Variants in GABBR1 observed in about 807,000 individuals in gnomAD.
GABBR1 encodes the protein gamma-aminobutyric acid type B receptor subunit 1.
In GABBR1, 35 loss-of-function variants were observed where a neutral mutation model predicts 117.7. The ratio of observed to expected loss-of-function variants is 0.30; its 90% CI spans 0.23 to 0.39. The LOEUF (loss-of-function observed/expected upper bound fraction) is 0.39. Ranked by LOEUF, GABBR1 falls within the 10% of genes least tolerant of loss-of-function variation. GABBR1 has a pLI of 1.00. For synonymous variants in GABBR1, 442 were observed against 486.6 expected, an observed-to-expected ratio of 0.91 and a Z score of 1.21; for missense variants, 709 against 1,241.8, an observed-to-expected ratio of 0.57 and a Z score of 6.45.
intron 5 of GABBR1, chr6:29,628,157 C>G (rs1382976575): frequency 2.1e-6 from 1 of 478,284 alleles, no homozygotes; most frequent in African/African-American, 3.4e-5. Context: ...GGGAAGCGAG[C>G]GCCGAGGTGG....
chr6:29,628,024 G>GGGGAGGAGGAGGAGCAGGA (rs1764511297), intron 5 of GABBR1: 1 of 1,279,234 alleles, frequency 7.8e-7, no homozygotes, highest in Non-Finnish European at 9.8e-7. Flanking sequence ...GACCGACGGA[G>GGGGAGGAGGAGGAGCAGGA]GGGAGGAGGA....
intron 11 of GABBR1, among the ~76,000 whole-genome samples, chr6:29,615,609 T>TAAAAA (rs28751302): frequency 0.066 from 8,011 of 120,996 alleles, 302 homozygotes; most frequent in South Asian, 0.14. Context: ...ACTCTGCCTT[T>TAAAAA]AAAAAAAAAA....
rs1762269586 is a variant in GABBR1 at position 29,609,162 on chromosome 6, T to C, written c.1859+67A>G. The C allele has an allele frequency of 1.3e-6, 2 of 1,481,832 alleles. No individual in the cohort carries two copies. The highest frequency in any genetic ancestry group is 2.8e-5 in the African/African-American group (2 of 71,990). 91.8% of individuals were successfully genotyped at this position (1,481,832 alleles called of 1,614,324 possible). A position where few individuals can be genotyped will look rare whatever the true frequency, so the allele number is the denominator to read the frequency against. ...GGGAGTTACACAGGTTTTATTCTCA[T>C]CCTGTCCAGGAACATGATCAGTATC... is the stretch of plus-strand genomic sequence containing the variant. On this transcript the variant is annotated intron_variant, in intron 15 of 22. Coordinates refer to ENST00000377034, the MANE Select transcript of GABBR1 (RefSeq NM_001470.4). The surrounding 1 kb of genome is among the most constrained non-coding windows in gnomAD (Gnocchi z 4.3).
chr6:29,603,577 C>T lies in GABBR1; in HGVS notation c.2852G>A (p.Cys951Tyr). Reference protein sequence around the residue: ...GPPEPPDRLSCDGSRVHLLYK With the variant: ...GPPEPPDRLSYDGSRVHLLYK ...AAGCAAATGCACTCGACTCCCATCA[C>T]AGCTAAGCCGGTCGGGGGGCTCAGG... The change falls in exon 23 of 23, where the codon TGT becomes TAT. Residue 951 changes from cysteine to tyrosine, a missense_variant. By Grantham distance (194) the Cys-to-Tyr change is radical. Transcript: ENST00000377034. 1 of 1,592,700 alleles carries T rather than the reference C, an allele frequency of 6.3e-7. No homozygotes were observed. The highest frequency in any genetic ancestry group is 8.5e-7 in the Non-Finnish European group (1 of 1,170,164).
rs777212765 is a variant in GABBR1, at chr6:29,613,277, C to T, written c.1532G>A (p.Arg511Gln). 5.7e-5 allele frequency: 92 copies of T among 1,612,806 alleles called. No homozygotes were observed. Among genetic ancestry groups the T allele is most frequent in the South Asian group, 1.1e-5 (1 of 91,080 alleles). Residue 511 changes from arginine (R) to glutamine (Q), a missense_variant, in exon 12 of 23, where the codon CGG becomes CAG. This residue lies in a region of GABBR1 where 38 missense variants were observed against 47.7 expected (regional missense o/e 0.80). Transcript: ENST00000377034. The surrounding 1 kb of genome is among the most constrained non-coding windows in gnomAD (Gnocchi z 4.1). Reference protein sequence around the residue: ...NNQTITDQIYRAMNSSSFEGV... With the variant: ...NNQTITDQIYQAMNSSSFEGV... Reference sequence around the variant, plus strand: ...CTCAAAGGACGAAGAGTTCATTGCCCGGTAGATTTGGTCGGTAATGGTCTG... The same window carrying T: ...CTCAAAGGACGAAGAGTTCATTGCCTGGTAGATTTGGTCGGTAATGGTCTG...
Position 29,622,392 on chromosome 6 carries a change from G to C in GABBR1, c.964-187C>G. On this transcript the variant is annotated intron_variant, in intron 8 of 22. Coordinates refer to ENST00000377034, the MANE Select transcript of GABBR1 (RefSeq NM_001470.4). This position sits in a 1 kb window ranked among gnomAD's most constrained non-coding sequence, Gnocchi z 4.6. ...GGGAAGGCATCTGGTCTTAGGATGT[G>C]GATTCCAAGTGGGAAGGTGAATGGT... The C allele has an allele frequency of 3.4e-6, 2 of 592,108 alleles. No homozygotes were observed. The highest frequency in any genetic ancestry group is 6.0e-6 in the Non-Finnish European group (2 of 331,850). 36.7% of individuals were successfully genotyped at this position (592,108 alleles called of 1,614,324 possible).
rs528569234 is a variant in GABBR1, at chr6:29,626,407, G to T, written c.657+1079C>A. Among the ~76,000 whole-genome samples the T allele has an allele frequency of 3.3e-5, 5 of 152,086 alleles. No individual in the cohort carries two copies. The East Asian group carries it at 7.7e-4, about 23-fold the overall frequency. On this transcript the variant is annotated intron_variant, in intron 6 of 22. Coordinates refer to ENST00000377034, the MANE Select transcript of GABBR1 (RefSeq NM_001470.4). ...TAACCCAATTCCTTAAGTCTCTGGGGCCACATGTCAGTGAAGATAAATTTG... is the reference window on the plus strand; with the variant it reads ...TAACCCAATTCCTTAAGTCTCTGGGTCCACATGTCAGTGAAGATAAATTTG...
intron 22 of GABBR1, 81 bp from the exon 23 acceptor site, chr6:29,603,797 A>G: frequency 9.0e-7 from 1 of 1,112,112 alleles, no homozygotes. Context: ...GAGGAAGGGC[A>G]CAGGGAAAGA....
rs758422439 is a variant in GABBR1 at position 29,608,588 on chromosome 6, A to C, written c.1992+13T>G. On this transcript the variant is annotated intron_variant, in intron 16 of 22. Transcript: ENST00000377034. ...GTCACATCCTGTAAGGAATTTGCCC[A>C]CCACCTCCTCACCTGGCAGACGAAA... 1 of 1,611,430 alleles carries C rather than the reference A, an allele frequency of 6.2e-7. No individual in the cohort carries two copies. Among genetic ancestry groups the C allele is most frequent in the African/African-American group, 1.3e-5 (1 of 74,868 alleles).
chr6:29,628,040 A>C, intron 5 of GABBR1: 3 of 1,052,160 alleles, frequency 2.9e-6, no homozygotes, highest in Admixed American at 6.2e-5. Context: ...GAGGAGGAGC[A>C]GGAGGGAGAT....
intron 11 of GABBR1, among the ~76,000 whole-genome samples, chr6:29,618,131 T>C (rs1406540224): frequency 6.6e-6 from 1 of 152,186 alleles, no homozygotes; most frequent in African/African-American, 2.4e-5. Context: ...GGCTAATACT[T>C]TGAGTAGTCT....
In GABBR1 at chr6:29,605,211, C is replaced by T; in HGVS notation, c.2440-223G>A. 1 of 584,938 alleles carries T rather than the reference C, an allele frequency of 1.7e-6. No individual in the cohort carries two copies. The highest frequency in any genetic ancestry group is 2.9e-6 in the Non-Finnish European group (1 of 340,244). 36.2% of individuals were successfully genotyped at this position (584,938 alleles called of 1,614,324 possible). ...TTAACCCCTCCCCTCAAGGCAGGAACTCCCAGGATCTCTATGCACAGATTC... is the reference window on the plus strand; with the variant it reads ...TTAACCCCTCCCCTCAAGGCAGGAATTCCCAGGATCTCTATGCACAGATTC... On this transcript the variant is annotated intron_variant, in intron 20 of 22. Transcript: ENST00000377034. This position sits in a 1 kb window ranked among gnomAD's most constrained non-coding sequence, Gnocchi z 4.2.
intron 22 of GABBR1, 74 bp from the exon 23 acceptor site, chr6:29,603,790 G>A: frequency 1.7e-6 from 2 of 1,172,394 alleles, no homozygotes; most frequent in Non-Finnish European, 2.3e-6. Context: ...GGAAAGAGAG[G>A]AAGGGCACAG....
rs1762041653 is a variant in GABBR1 at position 29,607,129 on chromosome 6, C to T, written c.2082G>A (p.Lys694=). ...KIWWVHTVFT[K]KEEKKEWRKT... is the part of the protein sequence containing the mutation. ...TCCTCCACTCCTTCTTTTCTTCCTTCTTTGTGAAGACCGTGTGGACCCACC... is the reference window on the plus strand; with the variant it reads ...TCCTCCACTCCTTCTTTTCTTCCTTTTTTGTGAAGACCGTGTGGACCCACC... Residue 694 remains lysine, a synonymous_variant, in exon 17 of 23, where the codon AAG becomes AAA. Transcript: ENST00000377034. This position sits in a 1 kb window ranked among gnomAD's most constrained non-coding sequence, Gnocchi z 5.0. 6.2e-7 allele frequency: 1 copy of T among 1,614,054 alleles called. No homozygotes were observed.
In GABBR1 at chr6:29,631,513, G is replaced by A; in HGVS notation, c.172C>T (p.Pro58Ser). ...RDQVKAINFL[P>S]VDYEIEYVCR... ...ACATACTCAATCTCATAGTCCACTG[G>A]CAGGAAGTTGATAGCCTTCACCTGG... Residue 58 changes from proline to serine, a missense_variant, in exon 3 of 23, where the codon CCA becomes TCA. Pro to Ser is a moderately conservative substitution (Grantham distance 74). This residue lies in a region of GABBR1 where 101 missense variants were observed against 132.3 expected (regional missense o/e 0.76). Transcript: ENST00000377034. This position sits in a 1 kb window ranked among gnomAD's most constrained non-coding sequence, Gnocchi z 5.9. 1.2e-6 allele frequency: 2 copies of A among 1,614,238 alleles called. No homozygotes were observed. Among genetic ancestry groups the A allele is most frequent in the Non-Finnish European group, 1.7e-6 (2 of 1,180,054 alleles).
In GABBR1 at chr6:29,603,655, C is replaced by T. The variant is rs1761638304; in HGVS notation, c.2774G>A (p.Arg925Gln). 2 of 1,517,586 alleles carry T rather than the reference C, an allele frequency of 1.3e-6. No homozygotes were observed. The highest frequency in any genetic ancestry group is 2.8e-5 in the African/African-American group (2 of 71,654). The allele number at this position is 1,517,586 out of a possible 1,614,324, so 94.0% of individuals were successfully genotyped here. A position where few individuals can be genotyped will look rare whatever the true frequency, so the allele number is the denominator to read the frequency against. ...QLQSRQQLRS[R>Q]RHPPTPPEPS... Reference sequence around the variant, plus strand: ...TTCTGGGGGTGTCGGTGGGTGGCGCCGGGAGCGGAGCTGCTGCCGAGACTG... The same window carrying T: ...TTCTGGGGGTGTCGGTGGGTGGCGCTGGGAGCGGAGCTGCTGCCGAGACTG... Residue 925 changes from arginine (R) to glutamine (Q), a missense_variant, in exon 23 of 23, where the codon CGG becomes CAG. By Grantham distance (43) the Arg-to-Gln change is conservative (BLOSUM62 1). Transcript: ENST00000377034.
chr6:29,629,616 T>C (rs1176519385), intron 4 of GABBR1, among the ~76,000 whole-genome samples: 1 of 152,102 alleles, frequency 6.6e-6, no homozygotes, highest in Non-Finnish European at 1.5e-5. Flanking sequence ...GATGGGACTC[T>C]CAATTTCCAG....
At position 29,607,979 on chromosome 6, in the gene GABBR1, G is replaced by C. The variant is rs1289340921; in HGVS notation, c.1992+622C>G. Among the ~76,000 whole-genome samples the C allele has an allele frequency of 6.6e-6, 1 of 152,250 alleles. No individual in the cohort carries two copies. The highest frequency in any genetic ancestry group is 1.9e-4 in the East Asian group (1 of 5,198). ...GGAAATGCCATGTGCACAGATGTAT[G>C]ATCAGGACAGCACAGAGCAGAGGAA... is the stretch of plus-strand genomic sequence containing the variant. On this transcript the variant is annotated intron_variant, in intron 16 of 22. Coordinates refer to ENST00000377034, the MANE Select transcript of GABBR1 (RefSeq NM_001470.4). The surrounding 1 kb of genome is among the most constrained non-coding windows in gnomAD (Gnocchi z 5.0).
chr6:29,609,327 C>G lies in GABBR1; in HGVS notation c.1761G>C (p.Leu587=). Residue 587 remains leucine (L), a synonymous_variant, in exon 15 of 23, where the codon CTG becomes CTC. Coordinates refer to ENST00000377034, the MANE Select transcript of GABBR1 (RefSeq NM_001470.4). This position sits in a 1 kb window ranked among gnomAD's most constrained non-coding sequence, Gnocchi z 4.3. ...AGACGGAGATAAAGAGTTTCTGTGACAGGAAGCGGAATGTCTTGATGACCA... is the reference window on the plus strand; with the variant it reads ...AGACGGAGATAAAGAGTTTCTGTGAGAGGAAGCGGAATGTCTTGATGACCA... ...QTLVIKTFRF[L]SQKLFISVSV... 6.2e-7 allele frequency: 1 copy of G among 1,612,962 alleles called. No homozygotes were observed. The highest frequency in any genetic ancestry group is 8.5e-7 in the Non-Finnish European group (1 of 1,180,002).
Sources: gnomAD v4.1 joint callset for allele counts (sites outside exome capture counted in the v4.1 genomes callset) on GRCh38, gnomAD v4.1.1 for gene constraint, gnomAD v4.1.1 regional missense constraint, Gnocchi (gnomAD v3.1) non-coding constraint, MANE v1.5 for transcripts, NCBI Gene and HGNC (gene_info 2026-07-23, HGNC 2026-07-21) for gene names.